Variants in CCDC102A observed in about 807,000 individuals in gnomAD.
CCDC102A encodes the protein coiled-coil domain containing 102A.
In CCDC102A, 40 loss-of-function variants were observed where a neutral mutation model predicts 55.5. The ratio of observed to expected loss-of-function variants is 0.72; its 90% CI spans 0.56 to 0.94. The LOEUF (loss-of-function observed/expected upper bound fraction) is 0.94, where lower values mean the gene tolerates loss of function less well. CCDC102A is among the 40% of genes least tolerant of loss of function. CCDC102A has a pLI of 0.00. For synonymous variants in CCDC102A, 323 were observed against 339.0 expected, an observed-to-expected ratio of 0.95 and a Z score of 0.52; for missense variants, 779 against 768.6, an observed-to-expected ratio of 1.01 and a Z score of -0.16.
chr16:57,525,855 C>T, intron 3 of CCDC102A, 46 bp downstream of exon 3: 1 of 1,557,552 alleles, frequency 6.4e-7, no homozygotes, highest in Admixed American at 1.7e-5. Flanking sequence ...GGCGTTGTAG[C>T]ACGGCCTGGC....
chr16:57,512,450 T>C lies in CCDC102A; in HGVS notation c.*291A>G, dbSNP rs1239582721. On this transcript the variant is annotated 3_prime_UTR_variant, in exon 9 of 9. Coordinates refer to ENST00000258214, the MANE Select transcript of CCDC102A (RefSeq NM_033212.4). ...GAAGTCCTGGGTGGGTGAGGTCATC[T>C]GGACTGGGCCTTGGAGCTGTCCTGT... The C allele has an allele frequency of 7.4e-6, 3 of 407,470 alleles. No homozygotes were observed. Among genetic ancestry groups the C allele is most frequent in the East Asian group, 3.5e-5 (1 of 28,296 alleles). 25.2% of individuals were successfully genotyped at this position (407,470 alleles called of 1,614,324 possible).
chr16:57,517,947 G>A, intron 6 of CCDC102A, 121 bp downstream of exon 6: 1 of 1,137,534 alleles, frequency 8.8e-7, no homozygotes, highest in Admixed American at 2.3e-5. Context: ...TAGCACACAA[G>A]GTGCTGAATA....
At chr16:57,535,387 T>G (rs555482420) in intron 1 of CCDC102A, among the ~76,000 whole-genome samples, 1 of 152,182 alleles carries the variant, frequency 6.6e-6, no homozygotes, top group South Asian at 2.1e-4. Context: ...TTGAACTCCT[T>G]TCTTTACATA....
At position 57,529,655 on chromosome 16, in the gene CCDC102A, G is replaced by A. The variant is rs1454493748; in HGVS notation, c.-147-331C>T. Among the ~76,000 whole-genome samples, 1 of 152,186 alleles carries A rather than the reference G, an allele frequency of 6.6e-6. No individual in the cohort carries two copies. The highest frequency in any genetic ancestry group is 2.4e-5 in the African/African-American group (1 of 41,434). On this transcript the variant is annotated intron_variant, in intron 1 of 8. Transcript: ENST00000258214. This position sits in a 1 kb window ranked among gnomAD's most constrained non-coding sequence, Gnocchi z 4.1. ...GGACCCAGGCGGGGGCACTGGGCTG[G>A]TGCCAGGAGTCCCCTCCCTGCCTTT...
chr16:57,512,677 T>G lies in CCDC102A; in HGVS notation c.*64A>C, dbSNP rs746431944. The stretch of plus-strand genomic sequence containing the variant: ...AGCCTAGGCACTGCATCAGTTTGAG[T>G]GGCTGGTTAGCCTGGACCCTGGGCA... On this transcript the variant is annotated 3_prime_UTR_variant, in exon 9 of 9. Coordinates refer to ENST00000258214, the MANE Select transcript of CCDC102A (RefSeq NM_033212.4). 151 of 1,552,390 alleles carry G rather than the reference T, an allele frequency of 9.7e-5. No homozygotes were observed. Among genetic ancestry groups the G allele is most frequent in the Admixed American group, 4.6e-4 (24 of 52,740 alleles).
intron 1 of CCDC102A, 121 bp downstream of exon 1, chr16:57,536,379 T>G (rs1431311428): frequency 2.6e-5 from 4 of 152,372 alleles, no homozygotes; most frequent in African/African-American, 7.2e-5. Flanking sequence ...GCCCCGACTG[T>G]GTCTGCTCCT....
At chr16:57,513,566 C>T (rs796761255) in intron 8 of CCDC102A, among the ~76,000 whole-genome samples, 6 of 152,358 alleles carry the variant, frequency 3.9e-5, no homozygotes, top group Middle Eastern at 3.4e-3. Flanking sequence ...AACGACACAG[C>T]GGTCCTGGGT....
At chr16:57,526,743 C>A (rs994718559) in intron 2 of CCDC102A, among the ~76,000 whole-genome samples, 9 of 152,210 alleles carry the variant, frequency 5.9e-5, no homozygotes, top group Non-Finnish European at 1.3e-4. Context: ...CACAGCCTTT[C>A]CAGATGAGTC....
chr16:57,535,675 T>C (rs1598084017), intron 1 of CCDC102A, among the ~76,000 whole-genome samples: 2 of 122,684 alleles, frequency 1.6e-5, no homozygotes, highest in Admixed American at 2.0e-4. Flanking sequence ...AACTCTTCAC[T>C]CTTGTACAGC....
intron 1 of CCDC102A, among the ~76,000 whole-genome samples, chr16:57,533,719 A>G (rs377707993): frequency 6.7e-6 from 1 of 150,244 alleles, no homozygotes; most frequent in Non-Finnish European, 1.5e-5. Flanking sequence ...CAGCCCCGGT[A>G]ATGCACAGAC....
Position 57,512,208 on chromosome 16 carries a change from T to C in CCDC102A, c.*533A>G, listed in dbSNP as rs2031873662. 7.8e-6 allele frequency: 3 copies of C among 385,652 alleles called. No individual in the cohort carries two copies. Among genetic ancestry groups the C allele is most frequent in the East Asian group, 3.7e-5 (1 of 27,080 alleles). The allele number at this position is 385,652 out of a possible 1,614,324, so 23.9% of individuals were successfully genotyped here. A position where few individuals can be genotyped will look rare whatever the true frequency, so the allele number is the denominator to read the frequency against. ...CACATTCACTCATTTATTAAGTTAC[T>C]TGACATTCCTGAGCTCTGGTTCAGC... is the stretch of plus-strand genomic sequence containing the variant. On this transcript the variant is annotated 3_prime_UTR_variant, in exon 9 of 9. Coordinates refer to ENST00000258214, the MANE Select transcript of CCDC102A (RefSeq NM_033212.4).
intron 6 of CCDC102A, 95 bp downstream of exon 6, chr16:57,517,973 A>G: frequency 2.2e-6 from 3 of 1,368,074 alleles, no homozygotes; most frequent in Middle Eastern, 2.7e-4. Context: ...AGCTACCATA[A>G]TTATCACCAG....
Position 57,512,377 on chromosome 16 carries a change from C to T in CCDC102A, c.*364G>A. ...TGAACAGCGAAGCCTAGAGAGGCAG[C>T]CCAGGGTGGGGCTCCAACAACTGCC... On this transcript the variant is annotated 3_prime_UTR_variant, in exon 9 of 9. Coordinates refer to ENST00000258214, the MANE Select transcript of CCDC102A (RefSeq NM_033212.4). The T allele has an allele frequency of 2.5e-6, 1 of 400,412 alleles. No individual in the cohort carries two copies. The highest frequency in any genetic ancestry group is 4.4e-5 in the Admixed American group (1 of 22,934). 24.8% of individuals were successfully genotyped at this position (400,412 alleles called of 1,614,324 possible).
At chr16:57,532,043 C>T (rs1379550305) in intron 1 of CCDC102A, among the ~76,000 whole-genome samples, 1 of 152,208 alleles carries the variant, frequency 6.6e-6, no homozygotes, top group Non-Finnish European at 1.5e-5. Flanking sequence ...CTAGGCCCAG[C>T]TCTGACACCA....
rs543363617 is a variant in CCDC102A, at chr16:57,529,926, T to C, written c.-147-602A>G. ...CAACACATGATGACAATGATATTTG[T>C]GGAGGGCAGGCCACAAGCCAGGCAC... On this transcript the variant is annotated intron_variant, in intron 1 of 8. Transcript: ENST00000258214. This position sits in a 1 kb window ranked among gnomAD's most constrained non-coding sequence, Gnocchi z 4.1. Among the ~76,000 whole-genome samples the C allele has an allele frequency of 6.6e-6, 1 of 152,170 alleles. No homozygotes were observed. The highest frequency in any genetic ancestry group is 1.9e-4 in the East Asian group (1 of 5,200).
At chr16:57,525,180 C>T (rs1376691757) in intron 3 of CCDC102A, among the ~76,000 whole-genome samples, 5 of 152,186 alleles carry the variant, frequency 3.3e-5, no homozygotes, top group African/African-American at 1.2e-4. Context: ...ACTGCAACCT[C>T]CACCTCCCGG....
intron 8 of CCDC102A, among the ~76,000 whole-genome samples, chr16:57,514,386 C>T (rs1018621138): frequency 1.3e-5 from 2 of 152,046 alleles, no homozygotes; most frequent in African/African-American, 2.4e-5. Flanking sequence ...TTTTTGTAGA[C>T]ATGGGGGTCT....
chr16:57,517,694 T>C (rs2031978862), intron 6 of CCDC102A, among the ~76,000 whole-genome samples: 1 of 152,264 alleles, frequency 6.6e-6, no homozygotes, highest in African/African-American at 2.4e-5. Context: ...TCCAGGACCG[T>C]GGGCCTAAGC....
intron 3 of CCDC102A, among the ~76,000 whole-genome samples, chr16:57,523,168 CA>C (rs766477645): frequency 0.017 from 2,356 of 135,274 alleles, 52 homozygotes; most frequent in African/African-American, 0.057. Flanking sequence ...ACTCTGTCTC[CA>C]AAAAAAAAAA....
Sources: gnomAD v4.1 joint callset for allele counts (sites outside exome capture counted in the v4.1 genomes callset) on GRCh38, gnomAD v4.1.1 for gene constraint, Gnocchi (gnomAD v3.1) non-coding constraint, MANE v1.5 for transcripts, NCBI Gene and HGNC (gene_info 2026-07-23, HGNC 2026-07-21) for gene names.